The following C11orf71 variants were observed in gnomAD, a reference collection of about 807,000 sequenced individuals.
C11orf71 encodes the protein chromosome 11 open reading frame 71, also known as uncharacterized protein C11orf71.
For missense variants in C11orf71, 179 were observed against 167.6 expected, an observed-to-expected ratio of 1.07 and a Z score of -0.38; for synonymous variants, 72 against 73.4, an observed-to-expected ratio of 0.98 and a Z score of 0.09.
chr11:114,394,025 G>A (rs988376730), downstream of C11orf71, among the ~76,000 whole-genome samples: 1 of 151,954 alleles, frequency 6.6e-6, no homozygotes, highest in African/African-American at 2.4e-5. Flanking sequence ...TGTCGCCCAG[G>A]CTGGAGTGCA....
chr11:114,396,308 T>C (rs10790006), downstream of C11orf71, among the ~76,000 whole-genome samples: 58,099 of 152,150 alleles, frequency 0.38, 11,390 homozygotes, highest in South Asian at 0.51. Context: ...ACCTTTAACA[T>C]GCCCTTACAC....
rs574600208 is a variant in C11orf71 at position 114,399,389 on chromosome 11, T to G, written c.*571A>C. 1 of 152,582 alleles carries G rather than the reference T, an allele frequency of 6.6e-6. No individual in the cohort carries two copies. The highest frequency in any genetic ancestry group is 1.9e-4 in the East Asian group (1 of 5,194). The allele number at this position is 152,582 out of a possible 1,614,324, so 9.5% of individuals were successfully genotyped here. A position where few individuals can be genotyped will look rare whatever the true frequency, so the allele number is the denominator to read the frequency against. On this transcript the variant is annotated 3_prime_UTR_variant, in exon 1 of 1. Coordinates refer to ENST00000623205, the MANE Select transcript of C11orf71 (RefSeq NM_001271562.2). The stretch of plus-strand genomic sequence containing the variant: ...ATGCGCTGGGACTGAATGCAAATAG[T>G]AAAATTACAAATATAAAGTAAAAAT...
chr11:114,395,692 A>G (rs922190521), downstream of C11orf71, among the ~76,000 whole-genome samples: 5 of 152,240 alleles, frequency 3.3e-5, no homozygotes, highest in Admixed American at 1.3e-4. Flanking sequence ...ACTCACCTGT[A>G]TTCATCAGTG....
downstream of C11orf71, among the ~76,000 whole-genome samples, chr11:114,394,253 T>TTTTTCTTTTC (rs1946106239): frequency 3.0e-5 from 2 of 66,678 alleles, no homozygotes; most frequent in Admixed American, 2.0e-4. Context: ...TTTTCTTTTC[T>TTTTTCTTTTC]TTTCTTTTCT....
downstream of C11orf71, among the ~76,000 whole-genome samples, chr11:114,398,296 T>C (rs1380012427): frequency 1.3e-5 from 2 of 152,178 alleles, no homozygotes; most frequent in African/African-American, 4.8e-5. Context: ...GAAAAAAAAT[T>C]AGTTATATAT....
Position 114,400,447 on chromosome 11 carries a change from A to G in C11orf71, c.-116T>C. The stretch of plus-strand genomic sequence containing the variant: ...CCGATGACTAAGCACACAGGAACCC[A>G]TAACTGAGCCTGCGGAAGAGCCAGA... On this transcript the variant is annotated 5_prime_UTR_variant, in exon 1 of 1. It removes an upstream start codon present in the reference 5' UTR. Coordinates refer to ENST00000623205, the MANE Select transcript of C11orf71 (RefSeq NM_001271562.2). 2.9e-6 allele frequency: 4 copies of G among 1,384,304 alleles called. No homozygotes were observed. Among genetic ancestry groups the G allele is most frequent in the Non-Finnish European group, 3.9e-6 (4 of 1,037,022 alleles). The allele number at this position is 1,384,304 out of a possible 1,614,324, so 85.8% of individuals were successfully genotyped here.
rs769815897 is a variant in C11orf71, at chr11:114,400,201, G to C, written c.131C>G (p.Ser44Cys). The change falls in exon 1 of 1, where the codon TCC becomes TGC. Residue 44 changes from serine (S) to cysteine (C), a missense_variant. Coordinates refer to ENST00000623205, the MANE Select transcript of C11orf71 (RefSeq NM_001271562.2). ...TCCTAGATGAATCGCTTCAGGCCTG[G>C]AAACGAGGAAGCCGTCTCCGGAGAC... ...AMVSGDGFLVSRPEAIHLGPR... is the reference protein window; with the variant it reads ...AMVSGDGFLVCRPEAIHLGPR... 1 of 1,613,412 alleles carries C rather than the reference G, an allele frequency of 6.2e-7. No individual in the cohort carries two copies. The highest frequency in any genetic ancestry group is 8.5e-7 in the Non-Finnish European group (1 of 1,179,698).
downstream of C11orf71, among the ~76,000 whole-genome samples, chr11:114,395,386 T>C (rs908102690): frequency 5.3e-5 from 8 of 152,228 alleles, no homozygotes; most frequent in African/African-American, 1.9e-4. Flanking sequence ...TTAAGGGCGT[T>C]GCCACAGATG....
At chr11:114,391,723 G>T (rs1393148560) in intron 1 of C11orf71, 2 of 659,570 alleles carry the variant, frequency 3.0e-6, no homozygotes, top group Non-Finnish European at 2.5e-6. Flanking sequence ...AACCAAAAAT[G>T]CATGTCCCAG....
chr11:114,397,472 T>C (rs572123406), downstream of C11orf71, among the ~76,000 whole-genome samples: 1 of 152,326 alleles, frequency 6.6e-6, no homozygotes, highest in Admixed American at 6.5e-5. Context: ...AACAAGAATT[T>C]AGATATCCAT....
chr11:114,392,341 C>T (rs1946079089), intron 1 of C11orf71, among the ~76,000 whole-genome samples: 1 of 151,778 alleles, frequency 6.6e-6, no homozygotes, highest in African/African-American at 2.4e-5. Flanking sequence ...ACTTCGAGAC[C>T]AGTCTGGCCA....
chr11:114,394,231 T>TC (rs1555024218), downstream of C11orf71, among the ~76,000 whole-genome samples: 8 of 44,852 alleles, frequency 1.8e-4, no homozygotes, highest in South Asian at 6.6e-4. Context: ...TTCTTTTCTT[T>TC]CTTTTCTTTT....
Position 114,400,230 on chromosome 11 carries a change from C to G in C11orf71, c.102G>C (p.Ala34=). The G allele has an allele frequency of 6.2e-7, 1 of 1,612,096 alleles. No homozygotes were observed. The highest frequency in any genetic ancestry group is 8.5e-7 in the Non-Finnish European group (1 of 1,179,126). The stretch of plus-strand genomic sequence containing the variant: ...CGAGGAAGCCGTCTCCGGAGACCAT[C>G]GCCAACGCTGACGCCCGCGGTCTGA... The part of the protein sequence containing the change: ...GDLRPRASAL[A]MVSGDGFLVS... The change falls in exon 1 of 1, where the codon GCG becomes GCC. Residue 34 remains alanine (A), a synonymous_variant. Coordinates refer to ENST00000623205, the MANE Select transcript of C11orf71 (RefSeq NM_001271562.2).
downstream of C11orf71, among the ~76,000 whole-genome samples, chr11:114,394,267 C>CTTTTCTTTTCTTTTCTTT (rs1946108810): frequency 1.6e-5 from 1 of 63,218 alleles, no homozygotes; most frequent in Non-Finnish European, 2.7e-5. Context: ...CTTTTCTTTT[C>CTTTTCTTTTCTTTTCTTT]TTTTCTTTTC....
downstream of C11orf71, among the ~76,000 whole-genome samples, chr11:114,394,262 CT>C (rs796831484): frequency 1.2e-4 from 8 of 65,158 alleles, no homozygotes; most frequent in East Asian, 5.3e-4. Context: ...CTTTTCTTTT[CT>C]TTTCTTTTCT....
chr11:114,392,828 C>T (rs1263605877), intron 1 of C11orf71, among the ~76,000 whole-genome samples: 4 of 151,776 alleles, frequency 2.6e-5, no homozygotes, highest in Admixed American at 2.6e-4. Flanking sequence ...CCAGATCTGC[C>T]CACTGGCCAC....
Position 114,400,358 on chromosome 11 carries a change from G to A in C11orf71, c.-27C>T, listed in dbSNP as rs1032779003. The A allele has an allele frequency of 3.2e-6, 5 of 1,572,642 alleles. No individual in the cohort carries two copies. In the African/African-American group the frequency reaches 4.1e-5, roughly 13 times the overall value. ...TTCAAACACTGCCCGCAGTACTTGC[G>A]TTACGTCCCTTTGTGAAGGCAGGCC... On this transcript the variant is annotated 5_prime_UTR_variant, in exon 1 of 1. The change creates a new upstream start codon in the 5' untranslated region. Coordinates refer to ENST00000623205, the MANE Select transcript of C11orf71 (RefSeq NM_001271562.2).
chr11:114,394,178 CG>C (rs761410783), downstream of C11orf71, among the ~76,000 whole-genome samples: 80 of 81,128 alleles, frequency 9.9e-4, 2 homozygotes, highest in East Asian at 7.9e-3. Flanking sequence ...GACGGGGTTT[CG>C]TTTCTTTTCT....
chr11:114,394,178 C>CTTTTCTT (rs1565256269), downstream of C11orf71, among the ~76,000 whole-genome samples: 1 of 81,146 alleles, frequency 1.2e-5, no homozygotes. Flanking sequence ...GACGGGGTTT[C>CTTTTCTT]GTTTCTTTTC....
Sources: allele counts gnomAD v4.1 joint callset (sites outside exome capture counted in the v4.1 genomes callset), GRCh38; gene constraint gnomAD v4.1.1; transcripts MANE v1.5; gene names NCBI Gene and HGNC (gene_info 2026-07-23, HGNC 2026-07-21).